The following PLS3 variants were observed in gnomAD, a reference collection of about 807,000 sequenced individuals.
PLS3 encodes the protein plastin-3.
PLS3 carries 11 observed loss-of-function variants against 46.5 expected under a neutral mutation model. The observed-to-expected ratio is 0.24, with a 90% confidence interval of 0.15 to 0.39. The LOEUF (loss-of-function observed/expected upper bound fraction) is 0.39, where lower values mean the gene tolerates loss of function less well. Among genes scored for constraint, PLS3 ranks in the 10% least tolerant of loss-of-function variants. PLS3 has a pLI of 1.00. For missense variants in PLS3, 308 were observed against 461.8 expected (o/e 0.67, Z 3.05); for synonymous variants, 167 against 162.2 (o/e 1.03, Z -0.22).
intron 1 of PLS3, among the ~76,000 whole-genome samples, chrX:115,597,145 A>T (rs1466146951): frequency 9.0e-6 from 1 of 110,603 alleles, no homozygotes; most frequent in African/African-American, 3.3e-5. Context: ...ACTCTGCCTC[A>T]AAACTAATAA....
At chrX:115,639,505 T>G (rs1380892301) in intron 8 of PLS3, among the ~76,000 whole-genome samples, 4 of 111,630 alleles carry the variant, frequency 3.6e-5, no homozygotes. Context: ...AGTATGCACA[T>G]AGACTATGAG....
chrX:115,609,334 T>C (rs1359818005), intron 1 of PLS3, among the ~76,000 whole-genome samples: 3 of 111,606 alleles, frequency 2.7e-5, no homozygotes, highest in Non-Finnish European at 5.6e-5. Context: ...ATCAAGAATA[T>C]TATGATATTA....
intron 3 of PLS3, among the ~76,000 whole-genome samples, chrX:115,623,364 A>G (rs1298879348): frequency 3.7e-5 from 4 of 109,397 alleles, no homozygotes; most frequent in Admixed American, 3.0e-4. Flanking sequence ...ACAAAAGAAA[A>G]TTTTTAATTA....
intron 15 of PLS3, among the ~76,000 whole-genome samples, chrX:115,649,139 TTATA>T (rs1160745259): frequency 1.8e-5 from 2 of 111,589 alleles, no homozygotes; most frequent in African/African-American, 6.5e-5. Context: ...GCCTAGGTAA[TTATA>T]TATATAAAGT....
chrX:115,587,589 G>C (rs1178005973), intron 1 of PLS3, among the ~76,000 whole-genome samples: 6 of 111,304 alleles, frequency 5.4e-5, no homozygotes, highest in Non-Finnish European at 9.4e-5. Context: ...CAAAAAATTA[G>C]CTGGGCGTGG....
chrX:115,584,036 TAGA>T (rs1169739569), intron 1 of PLS3, among the ~76,000 whole-genome samples: 1 of 111,809 alleles, frequency 8.9e-6, no homozygotes, highest in Non-Finnish European at 1.9e-5. Flanking sequence ...TTGGTGCTAT[TAGA>T]AGATGTAACC....
chrX:115,614,361 AT>A, intron 2 of PLS3: 1 of 750,354 alleles, frequency 1.3e-6, no homozygotes, highest in South Asian at 6.8e-5. Flanking sequence ...ACTGATAAAC[AT>A]TTTTGATTGC....
intron 1 of PLS3, among the ~76,000 whole-genome samples, chrX:115,569,125 G>A (rs1427699294): frequency 9.0e-6 from 1 of 111,028 alleles, no homozygotes; most frequent in Non-Finnish European, 1.9e-5. Flanking sequence ...ACTGGAACTT[G>A]TTTAGGTAAA....
chrX:115,593,897 T>C (rs1326559039), intron 1 of PLS3, among the ~76,000 whole-genome samples: 1 of 111,264 alleles, frequency 9.0e-6, no homozygotes, highest in Non-Finnish European at 1.9e-5. Context: ...TTAGGGAGTT[T>C]ATACTTTTTA....
rs2074223499 is a variant in PLS3 at position 115,572,712 on chromosome X, G to A, written c.-9+11452G>A. 3.6e-5 allele frequency among the ~76,000 whole-genome samples: 4 copies of A among 111,503 alleles called. No individual in the cohort carries two copies. In the Admixed American group the frequency reaches 3.8e-4, roughly 11 times the overall value. On this transcript the variant is annotated intron_variant, in intron 1 of 15. Coordinates refer to ENST00000355899, the MANE Select transcript of PLS3 (RefSeq NM_005032.7). ...TGTTAGGTGCTAGGGCTACAAAGAC[G>A]GATAAGATACTCCTCCAGTCTAGTA...
chrX:115,566,429 G>A (rs375039685), intron 1 of PLS3, among the ~76,000 whole-genome samples: 5 of 42,491 alleles, frequency 1.2e-4, no homozygotes, highest in African/African-American at 2.7e-4. Flanking sequence ...TTGTCGCCCA[G>A]GCTGGAGTGG....
chrX:115,617,287 G>C (rs1158680681), intron 2 of PLS3, among the ~76,000 whole-genome samples: 2 of 111,852 alleles, frequency 1.8e-5, no homozygotes, highest in African/African-American at 6.5e-5. Flanking sequence ...GGCCCTCCTT[G>C]ATGGGTGTGT....
rs1378221534 is a variant in PLS3, at chrX:115,578,424, A to G, written c.-9+17164A>G. On this transcript the variant is annotated intron_variant, in intron 1 of 15. Transcript: ENST00000355899. ...GAATATTGTGTCAGAAGTTATGTCA[A>G]AAAAGTTTTGAAAAGATAAAGCTAG... Among the ~76,000 whole-genome samples, 7 of 111,683 alleles carry G rather than the reference A, an allele frequency of 6.3e-5. No individual in the cohort carries two copies. In the Admixed American group the frequency reaches 6.7e-4, roughly 11 times the overall value.
chrX:115,640,195 A>T, intron 8 of PLS3: 1 of 865,604 alleles, frequency 1.2e-6, no homozygotes, highest in South Asian at 2.3e-5. Context: ...AATAATTGCG[A>T]AGTCATGTCA....
chrX:115,631,363 G>A (rs782681803), intron 5 of PLS3, among the ~76,000 whole-genome samples: 4 of 109,602 alleles, frequency 3.6e-5, no homozygotes, highest in East Asian at 2.9e-4. Flanking sequence ...GAGCCACCGC[G>A]CCCGGCTGAC....
chrX:115,631,361 G>A lies in PLS3; in HGVS notation c.500+1394G>A, dbSNP rs181541712. ...GCTGGGGTTACAGATGTGAGCCACC[G>A]CGCCCGGCTGACAGTATATATTATA... On this transcript the variant is annotated intron_variant, in intron 5 of 15. Coordinates refer to ENST00000355899, the MANE Select transcript of PLS3 (RefSeq NM_005032.7). Among the ~76,000 whole-genome samples the A allele has an allele frequency of 4.7e-3, 510 of 109,595 alleles. 2 individuals carry two copies. The highest frequency in any genetic ancestry group is 0.016 in the African/African-American group (482 of 30,146).
At position 115,649,807 on chromosome X, in the gene PLS3, T is replaced by A; in HGVS notation, c.*246T>A. On this transcript the variant is annotated 3_prime_UTR_variant, in exon 16 of 16. Transcript: ENST00000355899. ...GAAATGTGCTCATAGCCAAAACATT[T>A]TACTCTCTCCTCCTAGAATGCTGCC... 3.9e-6 allele frequency: 1 copy of A among 258,984 alleles called. No homozygotes were observed. The highest frequency in any genetic ancestry group is 5.9e-5 in the East Asian group (1 of 17,093). The allele number at this position is 258,984 out of a possible 1,213,427, so 21.3% of individuals were successfully genotyped here. A position where few individuals can be genotyped will look rare whatever the true frequency, so the allele number is the denominator to read the frequency against.
intron 1 of PLS3, among the ~76,000 whole-genome samples, chrX:115,599,424 G>T (rs1366111069): frequency 9.7e-6 from 1 of 103,049 alleles, no homozygotes; most frequent in Non-Finnish European, 2.0e-5. Flanking sequence ...GGGGTGGGAG[G>T]TGCTGAAGCA....
At chrX:115,584,312 C>T (rs946122438) in intron 1 of PLS3, among the ~76,000 whole-genome samples, 34 of 111,673 alleles carry the variant, frequency 3.0e-4, no homozygotes, top group Non-Finnish European at 5.8e-4. Context: ...GTTCTATAAG[C>T]TGAAAATAGA....
Sources: gnomAD v4.1 joint callset for allele counts (sites outside exome capture counted in the v4.1 genomes callset) on GRCh38, gnomAD v4.1.1 for gene constraint, MANE v1.5 for transcripts, NCBI Gene and HGNC (gene_info 2026-07-23, HGNC 2026-07-21) for gene names.